Variants in SP1 observed in about 807,000 individuals in gnomAD.
SP1 encodes Sp1 transcription factor, also known as transcription factor Sp1.
SP1 carries 6 observed loss-of-function variants against 66.3 expected under a neutral mutation model. The observed-to-expected ratio is 0.09, with a 90% CI of 0.05 to 0.18. The LOEUF is 0.18. SP1 is among the 10% of genes least tolerant of loss of function. SP1 has a pLI of 1.00. For missense variants in SP1, 848 were observed against 964.5 expected (o/e 0.88, Z 1.60); for synonymous variants, 417 against 360.8 (o/e 1.16, Z -1.77).
chr12:53,409,226 AAAAC>A (rs1401229784), intron 4 of SP1, 132 bp from the exon 5 acceptor site: 3 of 724,000 alleles, frequency 4.1e-6, no homozygotes, highest in Non-Finnish European at 6.7e-6. Context: ...CTCTCTCAAA[AAAAC>A]AAAAAAGAAG....
intron 3 of SP1, among the ~76,000 whole-genome samples, chr12:53,384,751 G>A (rs779237152): frequency 6.6e-6 from 1 of 151,620 alleles, no homozygotes; most frequent in Non-Finnish European, 1.5e-5. Context: ...CTGAGAAGAC[G>A]AGGCAGGTGG....
At chr12:53,387,041 T>G (rs1183973763) in intron 3 of SP1, among the ~76,000 whole-genome samples, 1 of 150,414 alleles carries the variant, frequency 6.6e-6, no homozygotes, top group Non-Finnish European at 1.5e-5. Flanking sequence ...ACCTCTGCCT[T>G]CCGGGTTCAA....
In SP1 at chr12:53,383,496, A is replaced by C; in HGVS notation, c.1549A>C (p.Thr517Pro). ...TGCTTCCATTCCTGCTGGCACAGTC[A>C]CTGTGAATGCTGCTCAACTCTCCTC... ...SAASIPAGTV[T>P]VNAAQLSSMP... Residue 517 changes from threonine (T) to proline (P), a missense_variant, in exon 3 of 6, where the codon ACT becomes CCT. By Grantham distance (38) the Thr-to-Pro change is conservative (BLOSUM62 -1). Coordinates refer to ENST00000327443, the MANE Select transcript of SP1 (RefSeq NM_138473.3). 1 of 1,614,162 alleles carries C rather than the reference A, an allele frequency of 6.2e-7. No individual in the cohort carries two copies. The highest frequency in any genetic ancestry group is 8.5e-7 in the Non-Finnish European group (1 of 1,180,032).
chr12:53,393,787 G>A lies in SP1; in HGVS notation c.1675+10165G>A, dbSNP rs150639259. On this transcript the variant is annotated intron_variant, in intron 3 of 5. Transcript: ENST00000327443. ...TAATTTTTGTATTTTTAGTAGAGACGGGGTTTCATCATGTTGGCCAGGCTA... is the reference window on the plus strand; with the variant it reads ...TAATTTTTGTATTTTTAGTAGAGACAGGGTTTCATCATGTTGGCCAGGCTA... Among the ~76,000 whole-genome samples the A allele has an allele frequency of 8.3e-3, 1,257 of 151,410 alleles. 15 individuals carry two copies. The highest frequency in any genetic ancestry group is 0.029 in the African/African-American group (1,181 of 41,294).
In SP1 at chr12:53,384,098, T is replaced by A. The variant is rs186947966; in HGVS notation, c.1675+476T>A. 1.5e-3 allele frequency among the ~76,000 whole-genome samples: 222 copies of A among 150,394 alleles called. 1 individual carries two copies. In the East Asian group the frequency reaches 0.033, roughly 22 times the overall value. On this transcript the variant is annotated intron_variant, in intron 3 of 5. Coordinates refer to ENST00000327443, the MANE Select transcript of SP1 (RefSeq NM_138473.3). ...CATTCTCCTGCCTCAGCCTCCCGAG[T>A]GGCTGGGACTACAGGTGCCTGCCAC...
At position 53,412,835 on chromosome 12, in the gene SP1, G is replaced by T. The variant is rs534140233; in HGVS notation, c.*1595G>T. On this transcript the variant is annotated 3_prime_UTR_variant, in exon 6 of 6. Coordinates refer to ENST00000327443, the MANE Select transcript of SP1 (RefSeq NM_138473.3). ...CTGAGATTTAAATGCAACCAGAATT[G>T]TCCTCAAGGCCCAGCCATAAAAGCA... The T allele has an allele frequency of 6.6e-6, 1 of 152,456 alleles. No homozygotes were observed. 9.4% of individuals were successfully genotyped at this position (152,456 alleles called of 1,614,324 possible).
intron 3 of SP1, among the ~76,000 whole-genome samples, chr12:53,403,469 C>T (rs1020485351): frequency 2.0e-5 from 3 of 152,036 alleles, no homozygotes; most frequent in African/African-American, 7.2e-5. Flanking sequence ...TACCCTGCTT[C>T]ATCCTCCCAG....
At chr12:53,407,533 C>G (rs1245163863) in intron 4 of SP1, among the ~76,000 whole-genome samples, 3 of 151,920 alleles carry the variant, frequency 2.0e-5, no homozygotes, top group Non-Finnish European at 4.4e-5. Context: ...ACCTTGTTAG[C>G]CAGGATGGTC....
chr12:53,415,987 G>C lies in SP1; in HGVS notation c.*4747G>C, dbSNP rs902520472. 4 of 152,706 alleles carry C rather than the reference G, an allele frequency of 2.6e-5. No homozygotes were observed. The East Asian group carries it at 7.7e-4, about 29-fold the overall frequency. The allele number at this position is 152,706 out of a possible 1,614,324, so 9.5% of individuals were successfully genotyped here. A position where few individuals can be genotyped will look rare whatever the true frequency, so the allele number is the denominator to read the frequency against. On this transcript the variant is annotated 3_prime_UTR_variant, in exon 6 of 6. Transcript: ENST00000327443. ...CACACACCAGTGGCAGCTGCCCCAG[G>C]GCCTGCTTCCCCTTCCTAAGTCTGT...
intron 3 of SP1, among the ~76,000 whole-genome samples, chr12:53,392,042 G>C (rs1938366659): frequency 6.6e-6 from 1 of 152,110 alleles, no homozygotes; most frequent in Admixed American, 6.6e-5. Context: ...TTTTGTTCCA[G>C]TGTTTTTTGG....
rs572515373 is a variant in SP1 at position 53,413,227 on chromosome 12, C to G, written c.*1987C>G. 65 of 152,516 alleles carry G rather than the reference C, an allele frequency of 4.3e-4. No individual in the cohort carries two copies. The highest frequency in any genetic ancestry group is 1.5e-3 in the African/African-American group (63 of 41,546). 9.4% of individuals were successfully genotyped at this position (152,516 alleles called of 1,614,324 possible). A position where few individuals can be genotyped will look rare whatever the true frequency, so the allele number is the denominator to read the frequency against. ...GTATGTTCCTAAGGTCATTTCTTTG[C>G]TTATGCTAAATTAATTACAATTATG... On this transcript the variant is annotated 3_prime_UTR_variant, in exon 6 of 6. Transcript: ENST00000327443.
Position 53,410,974 on chromosome 12 carries a change from A to G in SP1, c.2092A>G (p.Ser698Gly). ...TGAGTGTCCTAAGCGCTTCATGAGGAGTGACCACCTGTCAAAACATATCAA... is the reference window on the plus strand; with the variant it reads ...TGAGTGTCCTAAGCGCTTCATGAGGGGTGACCACCTGTCAAAACATATCAA... Reference protein sequence around the residue: ...CPECPKRFMRSDHLSKHIKTH... With the variant: ...CPECPKRFMRGDHLSKHIKTH... Residue 698 changes from serine (S) to glycine (G), a missense_variant, in exon 6 of 6, where the codon AGT becomes GGT. Ser to Gly is a moderately conservative substitution (Grantham distance 56). Around this residue, in one of 7 missense-constraint regions of SP1, gnomAD observed 39 missense variants for 124.2 expected, o/e 0.31. Transcript: ENST00000327443. 6.2e-7 allele frequency: 1 copy of G among 1,614,184 alleles called. No homozygotes were observed. Among genetic ancestry groups the G allele is most frequent in the Non-Finnish European group, 8.5e-7 (1 of 1,180,018 alleles).
Position 53,411,074 on chromosome 12 carries a change from G to T in SP1, c.2192G>T (p.Gly731Val). 1.2e-6 allele frequency: 2 copies of T among 1,614,204 alleles called. No homozygotes were observed. Among genetic ancestry groups the T allele is most frequent in the East Asian group, 4.5e-5 (2 of 44,878 alleles). Residue 731 changes from glycine (G) to valine (V), a missense_variant, in exon 6 of 6, where the codon GGT becomes GTT. Coordinates refer to ENST00000327443, the MANE Select transcript of SP1 (RefSeq NM_138473.3). ...VGTLPLDSGA[G>V]SEGSGTATPS... ...ACTTTGCCCCTGGACAGTGGGGCAG[G>T]TTCAGAAGGCAGTGGCACTGCCACT...
At chr12:53,398,566 C>G (rs1938540780) in intron 3 of SP1, among the ~76,000 whole-genome samples, 2 of 152,138 alleles carry the variant, frequency 1.3e-5, no homozygotes, top group African/African-American at 4.8e-5. Context: ...TAGACATGAG[C>G]CACCAAACCC....
chr12:53,381,574 A>G lies in SP1; in HGVS notation c.8-85A>G. 5.4e-6 allele frequency: 7 copies of G among 1,289,334 alleles called. No homozygotes were observed. In the South Asian group the frequency reaches 6.1e-5, roughly 11 times the overall value. The allele number at this position is 1,289,334 out of a possible 1,614,324, so 79.9% of individuals were successfully genotyped here. On this transcript the variant is annotated intron_variant, in intron 1 of 5. Transcript: ENST00000327443. Reference sequence around the variant, plus strand: ...TTTCGCCTTCCTGTTAGTCATTGCTATTTCATCATAGCCTCCTTTTATCCT... The same window carrying G: ...TTTCGCCTTCCTGTTAGTCATTGCTGTTTCATCATAGCCTCCTTTTATCCT...
At chr12:53,394,073 G>A (rs1448757604) in intron 3 of SP1, among the ~76,000 whole-genome samples, 2 of 151,920 alleles carry the variant, frequency 1.3e-5, no homozygotes, top group Non-Finnish European at 2.9e-5. Flanking sequence ...AAATTAGCCC[G>A]GCGTGGTGAT....
intron 3 of SP1, among the ~76,000 whole-genome samples, chr12:53,405,668 AGAAAG>A (rs1310433596): frequency 1.3e-5 from 2 of 151,416 alleles, no homozygotes; most frequent in African/African-American, 4.9e-5. Context: ...TCTCAAAAAA[AGAAAG>A]GAAAGAAAAG....
chr12:53,391,171 A>G (rs117596787), intron 3 of SP1, among the ~76,000 whole-genome samples: 2,195 of 152,226 alleles, frequency 0.014, 37 homozygotes, highest in Middle Eastern at 0.034. Context: ...AAGTGTTACA[A>G]TAGTATTATT....
intron 3 of SP1, among the ~76,000 whole-genome samples, chr12:53,394,409 C>CTTTT (rs59816754): frequency 1.6e-3 from 187 of 114,870 alleles, no homozygotes; most frequent in Middle Eastern, 5.1e-3. Flanking sequence ...TTAAAAGTAT[C>CTTTT]TTTTTTTTTT....
Sources: gnomAD v4.1 joint callset for allele counts (sites outside exome capture counted in the v4.1 genomes callset) on GRCh38, gnomAD v4.1.1 for gene constraint, gnomAD v4.1.1 regional missense constraint, MANE v1.5 for transcripts, NCBI Gene and HGNC (gene_info 2026-07-23, HGNC 2026-07-21) for gene names.